The following DTYMK variants were observed in gnomAD, a reference collection of about 807,000 sequenced individuals.
DTYMK encodes deoxythymidylate kinase.
A neutral mutation model predicts 20.3 loss-of-function variants in DTYMK; 20 were observed. The observed-to-expected ratio is 0.99, with a 90% confidence interval of 0.69 to 1.43. The LOEUF (loss-of-function observed/expected upper bound fraction) is 1.43. DTYMK is among the 40% of genes most tolerant of loss of function. The pLI, the probability that DTYMK is intolerant of heterozygous loss-of-function variation, is 0.00. For synonymous variants in DTYMK, 148 were observed against 124.4 expected (o/e 1.19, Z -1.27); for missense variants, 320 against 291.1 (o/e 1.10, Z -0.72).
intron 2 of DTYMK, among the ~76,000 whole-genome samples, chr2:241,681,646 T>G (rs2069260963): frequency 2.0e-5 from 3 of 152,272 alleles, no homozygotes; most frequent in African/African-American, 7.2e-5. Context: ...TTTGGCAGAC[T>G]GTTTAGATAC....
intron 2 of DTYMK, chr2:241,685,195 T>C (rs2069354601): frequency 6.6e-6 from 1 of 151,152 alleles, no homozygotes; most frequent in South Asian, 2.0e-4. Flanking sequence ...AGCAATACCT[T>C]GTCTTAAAAA....
At chr2:241,685,429 A>C (rs929375174) in intron 2 of DTYMK, 1 of 181,096 alleles carries the variant, frequency 5.5e-6, no homozygotes, top group African/African-American at 2.4e-5. Flanking sequence ...GCTACTCGGG[A>C]GGCTGACGCA....
At chr2:241,681,720 G>A (rs1047251692) in intron 2 of DTYMK, among the ~76,000 whole-genome samples, 5 of 152,220 alleles carry the variant, frequency 3.3e-5, no homozygotes, top group Non-Finnish European at 7.3e-5. Flanking sequence ...TAATAACTTT[G>A]TGCTTTGTGA....
chr2:241,683,402 A>G (rs1308154693), intron 2 of DTYMK, among the ~76,000 whole-genome samples: 9 of 152,062 alleles, frequency 5.9e-5, no homozygotes, highest in Non-Finnish European at 1.2e-4. Flanking sequence ...GCCCAACACA[A>G]ATTTGTTAAG....
chr2:241,682,188 C>G, intron 2 of DTYMK: 1 of 448,176 alleles, frequency 2.2e-6, no homozygotes, highest in South Asian at 1.6e-5. Flanking sequence ...AAAAATTTTA[C>G]AAAAATTAGC....
intron 2 of DTYMK, among the ~76,000 whole-genome samples, chr2:241,683,126 G>A (rs1017553899): frequency 1.2e-4 from 18 of 152,204 alleles, no homozygotes; most frequent in African/African-American, 2.6e-4. Flanking sequence ...GATCCCTTAC[G>A]AAACCAGATA....
chr2:241,680,946 C>T (rs34968397), intron 2 of DTYMK, among the ~76,000 whole-genome samples: 25,672 of 152,114 alleles, frequency 0.17, 2,414 homozygotes, highest in Non-Finnish European at 0.22. Context: ...GCCAGCTCTA[C>T]CCTGTCGAGG....
intron 4 of DTYMK, 113 bp from the exon 5 acceptor site, chr2:241,676,350 G>C: frequency 1.0e-6 from 1 of 982,448 alleles, no homozygotes; most frequent in Non-Finnish European, 1.5e-6. Flanking sequence ...AGGGAGGACT[G>C]CTTGTACCCA....
intron 2 of DTYMK, among the ~76,000 whole-genome samples, chr2:241,683,158 T>C (rs920038960): frequency 1.3e-5 from 2 of 152,112 alleles, no homozygotes; most frequent in African/African-American, 4.8e-5. Context: ...AACAAGCATA[T>C]GAAAAGATAC....
intron 3 of DTYMK, among the ~76,000 whole-genome samples, chr2:241,679,852 C>T (rs1230901971): frequency 6.6e-6 from 1 of 151,472 alleles, no homozygotes; most frequent in African/African-American, 2.4e-5. Context: ...GCCTATAATC[C>T]CAGATACTCG....
intron 2 of DTYMK, chr2:241,685,142 T>C (rs2069352280): frequency 6.4e-6 from 1 of 156,472 alleles, no homozygotes; most frequent in African/African-American, 2.4e-5. Context: ...GAGGCTGCAG[T>C]GAGCCATGAT....
intron 2 of DTYMK, chr2:241,684,803 T>C (rs760519669): frequency 3.1e-4 from 139 of 444,518 alleles, no homozygotes; most frequent in Admixed American, 3.0e-4. Flanking sequence ...TAAACTCAGT[T>C]ACTAATGTAT....
At chr2:241,677,471 G>A (rs1166532181) in intron 4 of DTYMK, among the ~76,000 whole-genome samples, 2 of 152,266 alleles carry the variant, frequency 1.3e-5, no homozygotes, top group African/African-American at 2.4e-5. Context: ...GGGCTGGGGC[G>A]AGACCCTCGG....
chr2:241,684,520 GCGA>G (rs1312442320), intron 2 of DTYMK, among the ~76,000 whole-genome samples: 1 of 152,202 alleles, frequency 6.6e-6, no homozygotes. Flanking sequence ...TAGAGACAAT[GCGA>G]CGACAATTAA....
chr2:241,678,198 A>C (rs2069160033), intron 4 of DTYMK, among the ~76,000 whole-genome samples: 1 of 152,060 alleles, frequency 6.6e-6, no homozygotes, highest in African/African-American at 2.4e-5. Flanking sequence ...TGAACCCAAG[A>C]AGCGGAGGTT....
At position 241,678,540 on chromosome 2, in the gene DTYMK, C is replaced by T. The variant is rs2069169564; in HGVS notation, c.440G>A (p.Gly147Asp). 1.9e-6 allele frequency: 3 copies of T among 1,614,186 alleles called. No individual in the cohort carries two copies. The African/African-American group carries it at 4.0e-5, about 22-fold the overall frequency. Residue 147 changes from glycine (G) to aspartate (D), a missense_variant, in exon 4 of 5, where the codon GGC (glycine) becomes GAC (aspartate). Physicochemically the swap from Gly to Asp is moderately conservative, Grantham distance 94. Coordinates refer to ENST00000305784, the MANE Select transcript of DTYMK (RefSeq NM_012145.4). ...LADAAKRGAFGHERYENGAFQ... is the reference protein window; with the variant it reads ...LADAAKRGAFDHERYENGAFQ... Reference sequence around the variant, plus strand: ...AGCCCCGTTCTCATAGCGCTCATGGCCAAACGCTCCCCGCTTGGCAGCATC... The same window carrying T: ...AGCCCCGTTCTCATAGCGCTCATGGTCAAACGCTCCCCGCTTGGCAGCATC...
At chr2:241,679,534 T>C (rs2069192694) in intron 3 of DTYMK, among the ~76,000 whole-genome samples, 1 of 152,192 alleles carries the variant, frequency 6.6e-6, no homozygotes, top group Admixed American at 6.5e-5. Context: ...TTTGGGAGGC[T>C]GAAGCGGGAG....
chr2:241,681,017 G>C (rs913229661), intron 2 of DTYMK, among the ~76,000 whole-genome samples: 9 of 152,172 alleles, frequency 5.9e-5, no homozygotes, highest in African/African-American at 1.9e-4. Flanking sequence ...CGTGGGCACA[G>C]CCAGCAGGTG....
intron 4 of DTYMK, among the ~76,000 whole-genome samples, chr2:241,677,912 G>A (rs981837784): frequency 6.6e-6 from 1 of 152,218 alleles, no homozygotes; most frequent in Admixed American, 6.5e-5. Flanking sequence ...GGAGGATTGC[G>A]CAGACTCTCA....
Sources: allele counts gnomAD v4.1 joint callset (sites outside exome capture counted in the v4.1 genomes callset), GRCh38; gene constraint gnomAD v4.1.1; transcripts MANE v1.5; gene names NCBI Gene and HGNC (gene_info 2026-07-23, HGNC 2026-07-21).